The following OSBPL6 variants were observed in gnomAD, a reference collection of about 807,000 sequenced individuals.
The protein encoded by OSBPL6 is oxysterol-binding protein-related protein 6.
Under a neutral mutation model 125.8 loss-of-function variants are expected in OSBPL6, and 49 were observed. The ratio of observed to expected loss-of-function variants is 0.39; its 90% CI spans 0.31 to 0.49. OSBPL6 has a LOEUF of 0.49. Among genes scored for constraint, OSBPL6 ranks in the 20% least tolerant of loss-of-function variants. The pLI is 0.88. For missense variants in OSBPL6, 986 were observed against 1,135.4 expected (o/e 0.87, Z 1.89); for synonymous variants, 394 against 391.8 (o/e 1.01, Z -0.07).
intron 1 of OSBPL6, among the ~76,000 whole-genome samples, chr2:178,249,302 A>G (rs1358322419): frequency 6.6e-6 from 1 of 152,148 alleles, no homozygotes; most frequent in African/African-American, 2.4e-5. Context: ...TACTTTTTTG[A>G]CATACCTAGA....
intron 1 of OSBPL6, among the ~76,000 whole-genome samples, chr2:178,228,427 C>T (rs544240331): frequency 4.6e-5 from 7 of 152,186 alleles, no homozygotes; most frequent in East Asian, 1.9e-4. Context: ...CTCAGCTACT[C>T]GGGAGGCTGA....
intron 1 of OSBPL6, among the ~76,000 whole-genome samples, chr2:178,204,008 C>A (rs1352653716): frequency 2.0e-5 from 3 of 147,534 alleles, no homozygotes; most frequent in East Asian, 2.0e-4. Context: ...TAACTGAATT[C>A]TTTTCTTTTT....
intron 21 of OSBPL6, 117 bp downstream of exon 21, chr2:178,389,270 C>A: frequency 9.9e-7 from 1 of 1,013,802 alleles, no homozygotes; most frequent in Non-Finnish European, 1.4e-6. Flanking sequence ...TTGGTCCTTA[C>A]GGACATTTTA....
intron 1 of OSBPL6, among the ~76,000 whole-genome samples, chr2:178,275,656 A>G (rs2092454557): frequency 6.6e-6 from 1 of 152,250 alleles, no homozygotes; most frequent in African/African-American, 2.4e-5. Context: ...CGGATTGAGT[A>G]GTCTCCAGCA....
chr2:178,195,547 T>C (rs769924830), intron 1 of OSBPL6, among the ~76,000 whole-genome samples: 1 of 152,244 alleles, frequency 6.6e-6, no homozygotes, highest in Non-Finnish European at 1.5e-5. Context: ...TAAGCTGTTT[T>C]TGAAAGTTAT....
chr2:178,313,571 A>G (rs1480652643), intron 3 of OSBPL6, among the ~76,000 whole-genome samples: 2 of 152,232 alleles, frequency 1.3e-5, no homozygotes, highest in Non-Finnish European at 2.9e-5. Context: ...AGATAATAAA[A>G]TAAAGAACAT....
chr2:178,236,476 T>C (rs2091055867), intron 1 of OSBPL6, among the ~76,000 whole-genome samples: 1 of 152,180 alleles, frequency 6.6e-6, no homozygotes, highest in Non-Finnish European at 1.5e-5. Context: ...TCAGACAGCG[T>C]TGGTTTCTGT....
intron 1 of OSBPL6, among the ~76,000 whole-genome samples, chr2:178,244,362 G>A (rs182704486): frequency 1.3e-5 from 2 of 152,034 alleles, no homozygotes; most frequent in Admixed American, 1.3e-4. Flanking sequence ...TTTAATATTT[G>A]TAATCATAGG....
At chr2:178,274,352 T>C (rs956935076) in intron 1 of OSBPL6, among the ~76,000 whole-genome samples, 1 of 151,556 alleles carries the variant, frequency 6.6e-6, no homozygotes. Flanking sequence ...CAAACTTGAG[T>C]CTTGGCTTTC....
chr2:178,253,869 T>A (rs2091785693), intron 1 of OSBPL6, among the ~76,000 whole-genome samples: 1 of 152,166 alleles, frequency 6.6e-6, no homozygotes, highest in African/African-American at 2.4e-5. Flanking sequence ...AAGAGGTGAT[T>A]GAGTCATGAG....
At chr2:178,241,034 T>G (rs1414580727) in intron 1 of OSBPL6, among the ~76,000 whole-genome samples, 1 of 152,154 alleles carries the variant, frequency 6.6e-6, no homozygotes, top group Non-Finnish European at 1.5e-5. Flanking sequence ...TCTTTAGGGA[T>G]TTCTATGAAA....
chr2:178,355,769 G>T (rs982354794), intron 12 of OSBPL6, among the ~76,000 whole-genome samples: 2 of 152,192 alleles, frequency 1.3e-5, no homozygotes, highest in East Asian at 3.8e-4. Context: ...CCAAAGCCTG[G>T]CAGAGACACA....
chr2:178,284,562 CA>C (rs2154032752), intron 1 of OSBPL6, among the ~76,000 whole-genome samples: 1 of 152,094 alleles, frequency 6.6e-6, no homozygotes, highest in East Asian at 1.9e-4. Context: ...CAAAACAAAA[CA>C]AACAAACAAA....
At chr2:178,272,041 A>G (rs1408791735) in intron 1 of OSBPL6, among the ~76,000 whole-genome samples, 1 of 152,242 alleles carries the variant, frequency 6.6e-6, no homozygotes, top group African/African-American at 2.4e-5. Flanking sequence ...TCATTTACGT[A>G]ACAGGTTTTG....
chr2:178,312,505 G>T (rs961721552), intron 3 of OSBPL6, among the ~76,000 whole-genome samples: 1 of 151,224 alleles, frequency 6.6e-6, no homozygotes, highest in Non-Finnish European at 1.5e-5. Flanking sequence ...GCCCAGGCTG[G>T]AGTGCAGTGG....
chr2:178,235,900 G>A (rs2091036114), intron 1 of OSBPL6, among the ~76,000 whole-genome samples: 2 of 152,064 alleles, frequency 1.3e-5, no homozygotes, highest in South Asian at 4.1e-4. Flanking sequence ...TATTTTATTT[G>A]ATGTTGGAAT....
chr2:178,254,980 A>G (rs2091832613), intron 1 of OSBPL6, among the ~76,000 whole-genome samples: 1 of 152,192 alleles, frequency 6.6e-6, no homozygotes, highest in Non-Finnish European at 1.5e-5. Flanking sequence ...ATTGAGCAGC[A>G]AAGTCACGTC....
At chr2:178,348,813 A>G (rs1337163488) in intron 11 of OSBPL6, among the ~76,000 whole-genome samples, 1 of 152,156 alleles carries the variant, frequency 6.6e-6, no homozygotes, top group African/African-American at 2.4e-5. Flanking sequence ...TTGAATTTTC[A>G]CAGGTTTAGT....
intron 1 of OSBPL6, among the ~76,000 whole-genome samples, chr2:178,282,725 C>T (rs1469376804): frequency 2.6e-5 from 4 of 152,156 alleles, no homozygotes; most frequent in Non-Finnish European, 5.9e-5. Flanking sequence ...GATCTCAGCT[C>T]ACTTCAATTT....
Sources: allele counts gnomAD v4.1 joint callset (sites outside exome capture counted in the v4.1 genomes callset), GRCh38; gene constraint gnomAD v4.1.1; transcripts MANE v1.5; gene names NCBI Gene and HGNC (gene_info 2026-07-23, HGNC 2026-07-21).